The following ERBB4 variants were observed in gnomAD, a reference collection of about 807,000 sequenced individuals.
ERBB4 encodes erb-b2 receptor tyrosine kinase 4.
In ERBB4, 42 loss-of-function variants were observed where a neutral mutation model predicts 158.0. The observed-to-expected ratio is 0.27, with a 90% confidence interval of 0.21 to 0.34. The LOEUF (loss-of-function observed/expected upper bound fraction) is 0.34. Among genes scored for constraint, ERBB4 ranks in the 10% least tolerant of loss-of-function variants. ERBB4 has a pLI of 1.00. For synonymous variants in ERBB4, 583 were observed against 558.7 expected (o/e 1.04, Z -0.61); for missense variants, 1,333 against 1,624.1 (o/e 0.82, Z 3.08).
chr2:212,052,575 A>G (rs988827650), intron 2 of ERBB4, among the ~76,000 whole-genome samples: 1 of 152,202 alleles, frequency 6.6e-6, no homozygotes, highest in Admixed American at 6.5e-5. Flanking sequence ...GTTACTTAAA[A>G]TGTGAAACCA....
intron 3 of ERBB4, among the ~76,000 whole-genome samples, chr2:211,823,869 T>G (rs1033611793): frequency 3.9e-5 from 6 of 152,038 alleles, no homozygotes; most frequent in Non-Finnish European, 8.8e-5. Flanking sequence ...TCATAGTTAA[T>G]TACTCAATGT....
chr2:211,572,269 T>C lies in ERBB4; in HGVS notation c.2302-10181A>G, dbSNP rs2067751430. ...ACATTGCACGTACTCAATAAACACA[T>C]GTTGAATTAAATTTTATATTGTGAA... On this transcript the variant is annotated intron_variant, in intron 19 of 27. Coordinates refer to ENST00000342788, the MANE Select transcript of ERBB4 (RefSeq NM_005235.3). Among the ~76,000 whole-genome samples the C allele has an allele frequency of 2.0e-5, 3 of 152,094 alleles. No individual in the cohort carries two copies. In the South Asian group the frequency reaches 6.2e-4, roughly 31 times the overall value.
intron 19 of ERBB4, among the ~76,000 whole-genome samples, chr2:211,571,896 G>T (rs1408242521): frequency 1.3e-5 from 2 of 151,634 alleles, no homozygotes; most frequent in Admixed American, 6.6e-5. Flanking sequence ...AAGAAAACAC[G>T]GTAAATAATT....
At chr2:212,466,689 A>C (rs1213854259) in intron 1 of ERBB4, among the ~76,000 whole-genome samples, 1 of 152,188 alleles carries the variant, frequency 6.6e-6, no homozygotes, top group Non-Finnish European at 1.5e-5. Flanking sequence ...TGTCTTTATC[A>C]GCAGGTGAAA....
intron 1 of ERBB4, among the ~76,000 whole-genome samples, chr2:212,345,240 T>C (rs1469089426): frequency 1.6e-5 from 1 of 62,234 alleles, no homozygotes; most frequent in Non-Finnish European, 3.2e-5. Context: ...CCCTCCAGCC[T>C]GGGGGACAGA....
intron 1 of ERBB4, among the ~76,000 whole-genome samples, chr2:212,397,994 A>T (rs2091079633): frequency 1.3e-5 from 2 of 152,050 alleles, no homozygotes; most frequent in African/African-American, 4.8e-5. Flanking sequence ...GAAATGTTAC[A>T]TGAAAAGGAA....
chr2:212,022,250 C>G (rs1223455376), intron 2 of ERBB4, among the ~76,000 whole-genome samples: 1 of 152,170 alleles, frequency 6.6e-6, no homozygotes, highest in Non-Finnish European at 1.5e-5. Flanking sequence ...CACTGCAGCA[C>G]TATTCACAAT....
intron 3 of ERBB4, among the ~76,000 whole-genome samples, chr2:211,822,652 A>G (rs2077019513): frequency 6.6e-6 from 1 of 152,066 alleles, no homozygotes; most frequent in Non-Finnish European, 1.5e-5. Flanking sequence ...ACCAAAATCC[A>G]CATAAATGTT....
chr2:211,571,041 CTTTTTTT>C (rs549254649), intron 19 of ERBB4, among the ~76,000 whole-genome samples: 23 of 109,076 alleles, frequency 2.1e-4, no homozygotes, highest in African/African-American at 7.1e-4. Context: ...TACTCTTCTT[CTTTTTTT>C]TTTTTTTTTT....
chr2:212,461,048 G>A (rs937585299), intron 1 of ERBB4, among the ~76,000 whole-genome samples: 6 of 152,166 alleles, frequency 3.9e-5, no homozygotes, highest in South Asian at 2.1e-4. Flanking sequence ...CCTGGATGTC[G>A]AGGTAGAAGT....
intron 5 of ERBB4, among the ~76,000 whole-genome samples, chr2:211,726,614 T>C (rs1044736779): frequency 1.3e-5 from 2 of 152,150 alleles, no homozygotes; most frequent in African/African-American, 4.8e-5. Context: ...TTTCTAAATA[T>C]TCCTCAGTAC....
chr2:211,744,012 G>C (rs1005209473), intron 5 of ERBB4, among the ~76,000 whole-genome samples: 1 of 152,194 alleles, frequency 6.6e-6, no homozygotes, highest in Non-Finnish European at 1.5e-5. Flanking sequence ...AACACAGGAA[G>C]AGGGGAACAC....
chr2:211,688,922 G>A (rs2072686059), intron 12 of ERBB4, among the ~76,000 whole-genome samples: 1 of 152,054 alleles, frequency 6.6e-6, no homozygotes, highest in Non-Finnish European at 1.5e-5. Context: ...GTAACTCATA[G>A]TTTGCAGGTT....
chr2:212,256,442 GT>G (rs2106069560), intron 1 of ERBB4, among the ~76,000 whole-genome samples: 1 of 152,234 alleles, frequency 6.6e-6, no homozygotes, highest in South Asian at 2.1e-4. Context: ...GAATTTGATA[GT>G]CAGAAACAAG....
At chr2:211,433,513 T>C (rs932783160) in intron 20 of ERBB4, among the ~76,000 whole-genome samples, 2 of 151,132 alleles carry the variant, frequency 1.3e-5, no homozygotes, top group African/African-American at 4.9e-5. Flanking sequence ...CCTGGGAGGC[T>C]GAGCTTGCAG....
intron 2 of ERBB4, among the ~76,000 whole-genome samples, chr2:211,965,778 T>C (rs901527768): frequency 6.6e-6 from 1 of 152,170 alleles, no homozygotes; most frequent in Non-Finnish European, 1.5e-5. Flanking sequence ...GATTTCTATA[T>C]ATTTCTATAA....
chr2:211,543,166 A>T (rs912552333), intron 20 of ERBB4, among the ~76,000 whole-genome samples: 1 of 152,110 alleles, frequency 6.6e-6, no homozygotes, highest in East Asian at 1.9e-4. Flanking sequence ...TTAAGTTTAT[A>T]AATTGTTTAT....
chr2:212,329,029 T>C (rs1435269021), intron 1 of ERBB4, among the ~76,000 whole-genome samples: 36 of 152,012 alleles, frequency 2.4e-4, no homozygotes, highest in Non-Finnish European at 2.8e-4. Flanking sequence ...CCCATTTTAG[T>C]GAACATTTTG....
chr2:211,887,165 T>C (rs1416349208), intron 3 of ERBB4, among the ~76,000 whole-genome samples: 1 of 151,794 alleles, frequency 6.6e-6, no homozygotes, highest in African/African-American at 2.4e-5. Context: ...CCTGTACCAG[T>C]TAGAAATATA....
Sources: allele counts gnomAD v4.1 joint callset (sites outside exome capture counted in the v4.1 genomes callset), GRCh38; gene constraint gnomAD v4.1.1; transcripts MANE v1.5; gene names NCBI Gene and HGNC (gene_info 2026-07-23, HGNC 2026-07-21).